The following PARD3B variants were observed in gnomAD, a reference collection of about 807,000 sequenced individuals.
PARD3B encodes the protein par-3 family cell polarity regulator beta, also known as partitioning defective 3 homolog B.
Under a neutral mutation model 130.2 loss-of-function variants are expected in PARD3B, and 103 were observed. That is an observed-to-expected ratio of 0.79 (90% CI 0.67 to 0.93). The LOEUF (loss-of-function observed/expected upper bound fraction) is 0.93. PARD3B is among the 40% of genes least tolerant of loss of function. The pLI, the probability that PARD3B is intolerant of heterozygous loss-of-function variation, is 0.00. For synonymous variants in PARD3B, 583 were observed against 553.2 expected (o/e 1.05, Z -0.76); for missense variants, 1,609 against 1,499.2 (o/e 1.07, Z -1.21).
chr2:204,773,123 G>A (rs1010216929), intron 2 of PARD3B, among the ~76,000 whole-genome samples: 4 of 151,780 alleles, frequency 2.6e-5, no homozygotes, highest in Admixed American at 1.3e-4. Context: ...TTAACAAACT[G>A]GTAAAAGATA....
intron 2 of PARD3B, among the ~76,000 whole-genome samples, chr2:204,750,279 T>C (rs569889153): frequency 2.0e-3 from 302 of 152,246 alleles, no homozygotes; most frequent in African/African-American, 7.0e-3. Flanking sequence ...TTCTCTTTTT[T>C]CTTTAAAATA....
chr2:205,538,782 GT>G (rs1285853375), intron 21 of PARD3B, among the ~76,000 whole-genome samples: 2 of 152,146 alleles, frequency 1.3e-5, no homozygotes, highest in African/African-American at 4.8e-5. Context: ...AAGTGTTTTT[GT>G]TTTTTTATTT....
intron 2 of PARD3B, among the ~76,000 whole-genome samples, chr2:204,856,691 T>A (rs1254085895): frequency 6.6e-6 from 1 of 152,148 alleles, no homozygotes; most frequent in Non-Finnish European, 1.5e-5. Context: ...ATTTCTTTAT[T>A]CTTTTGAGTA....
At chr2:204,976,980 T>A (rs1352154487) in intron 3 of PARD3B, among the ~76,000 whole-genome samples, 1 of 152,134 alleles carries the variant, frequency 6.6e-6, no homozygotes, top group Non-Finnish European at 1.5e-5. Context: ...ACCCATAAGA[T>A]CATGTTCTCT....
In PARD3B at chr2:204,787,361, A is replaced by G. The variant is rs950671083; in HGVS notation, c.222+101079A>G. ...TAGGGAGAAAATCTGCTTGCTACAT[A>G]TCATCAGGTGTGAAGGTAGGAATGT... On this transcript the variant is annotated intron_variant, in intron 2 of 22. Transcript: ENST00000406610. Among the ~76,000 whole-genome samples the G allele has an allele frequency of 2.0e-5, 3 of 152,164 alleles. 1 individual carries two copies. Among genetic ancestry groups the G allele is most frequent in the Middle Eastern group, 6.8e-3 (2 of 292 alleles).
intron 18 of PARD3B, among the ~76,000 whole-genome samples, chr2:205,361,528 T>C (rs1389887372): frequency 6.6e-6 from 1 of 152,166 alleles, no homozygotes; most frequent in African/African-American, 2.4e-5. Flanking sequence ...TCTATTCAGA[T>C]TTGTCAACAC....
At chr2:205,073,007 T>C (rs530258604) in intron 4 of PARD3B, among the ~76,000 whole-genome samples, 1 of 152,304 alleles carries the variant, frequency 6.6e-6, no homozygotes, top group Admixed American at 6.5e-5. Flanking sequence ...AAGTCCTATC[T>C]TCATAAATTT....
chr2:205,157,079 A>G (rs2034217730), intron 10 of PARD3B, among the ~76,000 whole-genome samples: 1 of 152,200 alleles, frequency 6.6e-6, no homozygotes, highest in Non-Finnish European at 1.5e-5. Flanking sequence ...TTCTCTTGAA[A>G]TGGTGTTCAC....
At chr2:204,997,260 G>A (rs557203223) in intron 3 of PARD3B, among the ~76,000 whole-genome samples, 1 of 152,136 alleles carries the variant, frequency 6.6e-6, no homozygotes, top group South Asian at 2.1e-4. Context: ...TTTAGAACTG[G>A]CCGGTTAAAT....
intron 2 of PARD3B, among the ~76,000 whole-genome samples, chr2:204,901,624 T>C (rs565121612): frequency 1.3e-4 from 19 of 151,516 alleles, no homozygotes; most frequent in African/African-American, 4.6e-4. Context: ...CAAGACAAAG[T>C]CCCCTTTGCT....
chr2:205,611,662 C>T (rs17626201), intron 22 of PARD3B, among the ~76,000 whole-genome samples: 10,770 of 152,106 alleles, frequency 0.071, 526 homozygotes, highest in Non-Finnish European at 0.11. Context: ...GAGCCTAATC[C>T]GAAATAAAAT....
At chr2:204,749,481 C>A (rs774584998) in intron 2 of PARD3B, among the ~76,000 whole-genome samples, 150 of 152,226 alleles carry the variant, frequency 9.9e-4, no homozygotes, top group Non-Finnish European at 1.5e-3. Context: ...AAATAGATGA[C>A]TAAGAGTTGT....
chr2:204,950,687 A>G (rs1306325175), intron 2 of PARD3B, among the ~76,000 whole-genome samples: 1 of 152,180 alleles, frequency 6.6e-6, no homozygotes, highest in Non-Finnish European at 1.5e-5. Flanking sequence ...ACATCTCTGC[A>G]TTTACCTTTG....
intron 14 of PARD3B, among the ~76,000 whole-genome samples, chr2:205,188,200 C>T (rs182241097): frequency 6.6e-6 from 1 of 152,288 alleles, no homozygotes; most frequent in African/African-American, 2.4e-5. Flanking sequence ...TAAGCAGTTT[C>T]TTGGAAAACG....
intron 19 of PARD3B, among the ~76,000 whole-genome samples, chr2:205,439,901 A>G (rs989831364): frequency 2.0e-5 from 3 of 152,172 alleles, no homozygotes; most frequent in Non-Finnish European, 4.4e-5. Context: ...CAATTTTCAC[A>G]AGTTCCTTTC....
intron 16 of PARD3B, among the ~76,000 whole-genome samples, chr2:205,279,976 C>T (rs2041125944): frequency 6.6e-6 from 1 of 152,154 alleles, no homozygotes; most frequent in Non-Finnish European, 1.5e-5. Context: ...ATTGTGACCA[C>T]TTATTTTCAT....
At chr2:204,621,366 C>T (rs1363303400) in intron 1 of PARD3B, among the ~76,000 whole-genome samples, 1 of 152,038 alleles carries the variant, frequency 6.6e-6, no homozygotes, top group East Asian at 1.9e-4. Context: ...TTGCTCCTAC[C>T]TACCCTTTAA....
intron 2 of PARD3B, among the ~76,000 whole-genome samples, chr2:204,687,160 G>A (rs1200882686): frequency 1.3e-5 from 2 of 151,940 alleles, no homozygotes; most frequent in African/African-American, 4.8e-5. Flanking sequence ...TAACTGGACT[G>A]GAATATAAAT....
At chr2:204,662,032 A>G (rs2035829259) in intron 1 of PARD3B, among the ~76,000 whole-genome samples, 2 of 152,194 alleles carry the variant, frequency 1.3e-5, no homozygotes, top group Admixed American at 1.3e-4. Flanking sequence ...GATTTCTTAC[A>G]AGGGAGAAAA....
Sources: gnomAD v4.1 joint callset for allele counts (sites outside exome capture counted in the v4.1 genomes callset) on GRCh38, gnomAD v4.1.1 for gene constraint, MANE v1.5 for transcripts, NCBI Gene and HGNC (gene_info 2026-07-23, HGNC 2026-07-21) for gene names.